The following WDR35 variants were observed in gnomAD, a reference collection of about 807,000 sequenced individuals.
WDR35 encodes the protein WD repeat domain 35.
A neutral mutation model predicts 158.3 loss-of-function variants in WDR35; 118 were observed. The ratio of observed to expected loss-of-function variants is 0.75; its 90% CI spans 0.64 to 0.87. WDR35 has a LOEUF of 0.87. Among genes scored for constraint, WDR35 ranks in the 40% least tolerant of loss-of-function variants. The probability of loss-of-function intolerance (pLI) is 0.00; values close to 1 mark genes in which losing one functional copy is unlikely to be tolerated. For missense variants in WDR35, 1,263 were observed against 1,405.8 expected (o/e 0.90, Z 1.62); for synonymous variants, 448 against 476.1 (o/e 0.94, Z 0.77).
chr2:19,962,539 T>C (rs1671696262), intron 10 of WDR35, among the ~76,000 whole-genome samples: 1 of 152,220 alleles, frequency 6.6e-6, no homozygotes, highest in African/African-American at 2.4e-5. Context: ...TTCTGTATCT[T>C]GTACTAAGAA....
chr2:19,982,586 T>A, intron 2 of WDR35, 52 bp from the exon 3 acceptor site: 1 of 1,574,090 alleles, frequency 6.4e-7, no homozygotes, highest in Non-Finnish European at 8.7e-7. Flanking sequence ...AGTGACATAT[T>A]ATAAGATTTT....
intron 5 of WDR35, among the ~76,000 whole-genome samples, chr2:19,976,813 T>C (rs10197385): frequency 1.2e-3 from 163 of 140,166 alleles, no homozygotes; most frequent in South Asian, 5.5e-3. Context: ...ATCCCTTAAA[T>C]GTTGCTGATT....
Position 19,911,059 on chromosome 2 carries a change from T to C in WDR35, c.*2499A>G, listed in dbSNP as rs1447418854. 2 of 152,144 alleles carry C rather than the reference T, an allele frequency of 1.3e-5. No homozygotes were observed. Among genetic ancestry groups the C allele is most frequent in the African/African-American group, 4.8e-5 (2 of 41,422 alleles). The allele number at this position is 152,144 out of a possible 1,614,324, so 9.4% of individuals were successfully genotyped here. ...AACTAGATATTGTTTAAATATCAAC[T>C]AGATCCAGCAACTTAGGATCTACCT... On this transcript the variant is annotated 3_prime_UTR_variant, in exon 27 of 27. Coordinates refer to ENST00000281405, the MANE Select transcript of WDR35 (RefSeq NM_020779.4).
At chr2:19,986,711 G>A (rs1360878311) in intron 2 of WDR35, among the ~76,000 whole-genome samples, 2 of 151,488 alleles carry the variant, frequency 1.3e-5, no homozygotes, top group African/African-American at 4.8e-5. Context: ...ATGGGCTCCA[G>A]CAAAACACTG....
intron 2 of WDR35, among the ~76,000 whole-genome samples, chr2:19,985,850 C>G (rs1672548132): frequency 7.1e-6 from 1 of 139,996 alleles, no homozygotes; most frequent in Admixed American, 7.7e-5. Flanking sequence ...TGAGCCAAGA[C>G]TGCACCACTG....
chr2:19,980,664 T>C (rs1672353980), intron 4 of WDR35, 27 bp downstream of exon 4: 22 of 1,594,418 alleles, frequency 1.4e-5, no homozygotes, highest in Non-Finnish European at 1.7e-5. Context: ...TGTGAAAAAT[T>C]AAATAATCTC....
chr2:19,935,496 A>G lies in WDR35; in HGVS notation c.2522T>C (p.Leu841Pro), dbSNP rs1670662501. ...TGGAAGTAACTTGTGGTTTTCTGGA[A>G]GTGAAATGGCAAGGTTCTCTAACCC... ...YEGLENLAIS[L>P]PENHKLLPEI... Residue 841 changes from leucine (L) to proline (P), a missense_variant, in exon 21 of 27, where the codon CTT (leucine) becomes CCT (proline). By Grantham distance (98) the Leu-to-Pro change is moderately conservative. Coordinates refer to ENST00000281405, the MANE Select transcript of WDR35 (RefSeq NM_020779.4). The G allele has an allele frequency of 6.2e-7, 1 of 1,612,972 alleles. No individual in the cohort carries two copies. The highest frequency in any genetic ancestry group is 8.5e-7 in the Non-Finnish European group (1 of 1,179,558).
At chr2:19,915,122 T>C (rs62109405) in intron 25 of WDR35, among the ~76,000 whole-genome samples, 1 of 122,270 alleles carries the variant, frequency 8.2e-6, no homozygotes, top group African/African-American at 3.0e-5. Context: ...AATATTAAGA[T>C]TTAATATTAG....
In WDR35 at chr2:19,946,454, G is replaced by C. The variant is rs1671055963; in HGVS notation, c.1634+7C>G. ...AACATCTACATGAGCAGAGTTTTCAGGCTTACCTAGAGTTGCAATTCAAGG... is the reference window on the plus strand; with the variant it reads ...AACATCTACATGAGCAGAGTTTTCACGCTTACCTAGAGTTGCAATTCAAGG... On this transcript the variant is annotated splice_region_variant and intron_variant, in intron 15 of 26. Transcript: ENST00000281405. 1 of 1,609,778 alleles carries C rather than the reference G, an allele frequency of 6.2e-7. No homozygotes were observed. Among genetic ancestry groups the C allele is most frequent in the Non-Finnish European group, 8.5e-7 (1 of 1,176,338 alleles).
intron 20 of WDR35, 30 bp downstream of exon 20, chr2:19,936,189 T>C: frequency 6.2e-7 from 1 of 1,613,664 alleles, no homozygotes; most frequent in Admixed American, 1.7e-5. Context: ...GTTGCATGAA[T>C]GCTTGAGGAG....
At position 19,936,247 on chromosome 2, in the gene WDR35, C is replaced by T; in HGVS notation, c.2386G>A (p.Gly796Arg). 1 of 1,613,996 alleles carries T rather than the reference C, an allele frequency of 6.2e-7. No homozygotes were observed. The highest frequency in any genetic ancestry group is 8.5e-7 in the Non-Finnish European group (1 of 1,179,922). ...TTTTGTCGATCAGCAAAGTAGTCTC[C>T]AATGGCATTGTTGGCTTGTTCCAGG... ...SLLEQANNAI[G>R]DYFADRQKWL... The change falls in exon 20 of 27, where the codon GGA becomes AGA. Residue 796 changes from glycine to arginine, a missense_variant. Coordinates refer to ENST00000281405, the MANE Select transcript of WDR35 (RefSeq NM_020779.4).
At chr2:19,989,321 G>A in intron 1 of WDR35, 39 bp from the exon 2 acceptor site, 1 of 1,551,958 alleles carries the variant, frequency 6.4e-7, no homozygotes. Context: ...AACTTTTCAC[G>A]AAGGAGCTGG....
At position 19,952,767 on chromosome 2, in the gene WDR35, G is replaced by C. The variant is rs139097252; in HGVS notation, c.1400+1067C>G. 2.1e-4 allele frequency among the ~76,000 whole-genome samples: 30 copies of C among 143,500 alleles called. 2 individuals carry two copies. The East Asian group carries it at 6.1e-3, about 29-fold the overall frequency. 94.1% of individuals were successfully genotyped at this position (143,500 alleles called of 152,430 possible). A position where few individuals can be genotyped will look rare whatever the true frequency, so the allele number is the denominator to read the frequency against. On this transcript the variant is annotated intron_variant, in intron 12 of 26. Coordinates refer to ENST00000281405, the MANE Select transcript of WDR35 (RefSeq NM_020779.4). The stretch of plus-strand genomic sequence containing the variant: ...TTTTTTCCTGCCTCCACATGAATTC[G>C]CATACTCAACATACTTTTTTTTTTT...
intron 11 of WDR35, among the ~76,000 whole-genome samples, chr2:19,959,080 G>A (rs1034898475): frequency 1.3e-5 from 2 of 151,722 alleles, no homozygotes; most frequent in African/African-American, 4.8e-5. Context: ...CAAAAATGTT[G>A]AGTCTTTGGC....
chr2:19,962,732 AAAAAT>A (rs1671701613), intron 10 of WDR35, among the ~76,000 whole-genome samples: 1 of 152,186 alleles, frequency 6.6e-6, no homozygotes, highest in African/African-American at 2.4e-5. Flanking sequence ...ACATTTAAAA[AAAAAT>A]AAAAAGAACT....
At chr2:19,922,513 G>A (rs913223765) in intron 25 of WDR35, among the ~76,000 whole-genome samples, 7 of 130,366 alleles carry the variant, frequency 5.4e-5, no homozygotes, top group Admixed American at 4.9e-4. Context: ...AGTGGGAGTC[G>A]AACAATGAGA....
chr2:19,962,223 C>CCTA, intron 10 of WDR35: 3 of 1,535,914 alleles, frequency 2.0e-6, no homozygotes, highest in Non-Finnish European at 2.7e-6. Context: ...GCTACAGTTT[C>CCTA]TGATCAGCTA....
rs370520483 is a variant in WDR35, at chr2:19,990,104, G to A, written c.-89C>T. The A allele has an allele frequency of 2.1e-5, 33 of 1,563,344 alleles. No homozygotes were observed. Among genetic ancestry groups the A allele is most frequent in the Non-Finnish European group, 2.6e-5 (30 of 1,148,194 alleles). On this transcript the variant is annotated 5_prime_UTR_variant, in exon 1 of 27. Coordinates refer to ENST00000281405, the MANE Select transcript of WDR35 (RefSeq NM_020779.4). ...TCCAATCGGGAGTACCAGCAGCTCC[G>A]GAAAGCTCCCGTCGCCCTGGCAACC...
chr2:19,975,199 C>T lies in WDR35; in HGVS notation c.570+331G>A, dbSNP rs375343821. Among the ~76,000 whole-genome samples, 271 of 152,282 alleles carry T rather than the reference C, an allele frequency of 1.8e-3. 7 individuals are homozygous for T. The South Asian group carries it at 0.055, about 31-fold the overall frequency. On this transcript the variant is annotated intron_variant, in intron 6 of 26. Coordinates refer to ENST00000281405, the MANE Select transcript of WDR35 (RefSeq NM_020779.4). The stretch of plus-strand genomic sequence containing the variant: ...TCTACATGTAAACTTTGGCTTCAGA[C>T]ACCAGAAGACACCTATAAAACTTAA...
Sources: gnomAD v4.1 joint callset for allele counts (sites outside exome capture counted in the v4.1 genomes callset) on GRCh38, gnomAD v4.1.1 for gene constraint, MANE v1.5 for transcripts, NCBI Gene and HGNC (gene_info 2026-07-23, HGNC 2026-07-21) for gene names.